Variants in ADGRL3 observed in about 807,000 individuals in gnomAD.
ADGRL3 encodes adhesion G protein-coupled receptor L3.
ADGRL3 carries 62 observed loss-of-function variants against 153.5 expected under a neutral mutation model. The observed-to-expected ratio is 0.40, with a 90% CI of 0.33 to 0.50. ADGRL3 has a LOEUF of 0.50. Among genes scored for constraint, ADGRL3 ranks in the 20% least tolerant of loss-of-function variants. The pLI, the probability that ADGRL3 is intolerant of heterozygous loss-of-function variation, is 0.47. For missense variants in ADGRL3, 1,641 were observed against 1,859.4 expected (o/e 0.88, Z 2.16); for synonymous variants, 710 against 672.5 (o/e 1.06, Z -0.86).
intron 1 of ADGRL3, among the ~76,000 whole-genome samples, chr4:61,322,498 A>G (rs2095379536): frequency 6.6e-6 from 1 of 152,228 alleles, no homozygotes; most frequent in African/African-American, 2.4e-5. Flanking sequence ...AGCCTGTAAA[A>G]TCAAAAGCAA....
intron 2 of ADGRL3, among the ~76,000 whole-genome samples, chr4:61,450,590 T>A (rs972738037): frequency 6.6e-5 from 10 of 152,176 alleles, no homozygotes; most frequent in African/African-American, 2.4e-4. Context: ...TTTTATTTGT[T>A]CTGTCTGCTT....
chr4:61,400,400 A>G (rs1033627995), intron 2 of ADGRL3, among the ~76,000 whole-genome samples: 21 of 151,836 alleles, frequency 1.4e-4, no homozygotes, highest in African/African-American at 4.8e-4. Context: ...ACGGTATATA[A>G]AAAGAAGAAA....
chr4:61,334,273 T>C (rs1300124612), intron 1 of ADGRL3, among the ~76,000 whole-genome samples: 2 of 152,154 alleles, frequency 1.3e-5, no homozygotes, highest in Non-Finnish European at 2.9e-5. Flanking sequence ...TTTTCTCCTC[T>C]ATCCAAGGGT....
At chr4:61,273,246 T>C (rs2149821759) in intron 1 of ADGRL3, among the ~76,000 whole-genome samples, 1 of 152,296 alleles carries the variant, frequency 6.6e-6, no homozygotes, top group African/African-American at 2.4e-5. Flanking sequence ...AATGTTTAAA[T>C]AAGACCACTG....
chr4:61,652,569 C>A (rs1194493000), intron 5 of ADGRL3, among the ~76,000 whole-genome samples: 1 of 152,116 alleles, frequency 6.6e-6, no homozygotes, highest in East Asian at 1.9e-4. Flanking sequence ...TTAACAAAAA[C>A]TCATGCTGAC....
chr4:61,251,887 T>A (rs902602309), intron 1 of ADGRL3, among the ~76,000 whole-genome samples: 17 of 148,856 alleles, frequency 1.1e-4, no homozygotes, highest in African/African-American at 2.0e-4. Context: ...TTAATTTTTT[T>A]ATTTTTTTTT....
Position 61,214,119 on chromosome 4 carries a change from A to C in ADGRL3, c.-240+12354A>C, listed in dbSNP as rs574397681. On this transcript the variant is annotated intron_variant, in intron 1 of 26. Transcript: ENST00000683033. Reference sequence around the variant, plus strand: ...ACTAACTCTTTGGTTATTCTTAAGAATTACTAATGCTCAGCTGCACATACA... The same window carrying C: ...ACTAACTCTTTGGTTATTCTTAAGACTTACTAATGCTCAGCTGCACATACA... Among the ~76,000 whole-genome samples the C allele has an allele frequency of 1.4e-4, 21 of 152,324 alleles. No homozygotes were observed. In the South Asian group the frequency reaches 2.5e-3, roughly 18 times the overall value.
intron 1 of ADGRL3, chr4:61,211,918 CAA>C (rs1740214269): frequency 6.6e-6 from 1 of 152,194 alleles, no homozygotes; most frequent in African/African-American, 2.4e-5. Flanking sequence ...TTTGCTGGCA[CAA>C]AGAGAGCTGG....
intron 5 of ADGRL3, among the ~76,000 whole-genome samples, chr4:61,636,109 A>G (rs557580055): frequency 1.5e-4 from 23 of 152,232 alleles, no homozygotes; most frequent in Non-Finnish European, 2.6e-4. Context: ...GAAACTACAC[A>G]CTAGACTAAC....
At chr4:61,640,642 T>A (rs972408721) in intron 5 of ADGRL3, among the ~76,000 whole-genome samples, 1 of 152,196 alleles carries the variant, frequency 6.6e-6, no homozygotes, top group Admixed American at 6.5e-5. Context: ...GTGACACATA[T>A]TAGACAATCA....
At chr4:61,429,109 A>C (rs138297170) in intron 2 of ADGRL3, among the ~76,000 whole-genome samples, 1 of 152,194 alleles carries the variant, frequency 6.6e-6, no homozygotes, top group Admixed American at 6.5e-5. Context: ...CCAGGAAAAC[A>C]CTGTCCAATG....
At chr4:61,685,037 T>C (rs2095416793) in intron 6 of ADGRL3, among the ~76,000 whole-genome samples, 1 of 151,794 alleles carries the variant, frequency 6.6e-6, no homozygotes, top group South Asian at 2.1e-4. Flanking sequence ...TCAGCCTCCC[T>C]CCCAAGTAGC....
intron 21 of ADGRL3, among the ~76,000 whole-genome samples, chr4:62,016,957 A>G (rs2099215023): frequency 6.6e-6 from 1 of 151,956 alleles, no homozygotes; most frequent in Admixed American, 6.6e-5. Flanking sequence ...GCTATTAGGT[A>G]TGATATCTAA....
intron 19 of ADGRL3, among the ~76,000 whole-genome samples, chr4:61,993,342 G>T (rs2099110427): frequency 6.9e-6 from 1 of 143,974 alleles, no homozygotes; most frequent in Non-Finnish European, 1.5e-5. Flanking sequence ...ACCCTGGCTG[G>T]GGTGTAACGG....
intron 1 of ADGRL3, among the ~76,000 whole-genome samples, chr4:61,352,022 T>C (rs2096061588): frequency 6.6e-6 from 1 of 152,172 alleles, no homozygotes; most frequent in South Asian, 2.1e-4. Flanking sequence ...TTGAAAACCT[T>C]CTAGAAAGGA....
At chr4:61,768,541 C>T (rs1462307564) in intron 8 of ADGRL3, among the ~76,000 whole-genome samples, 1 of 151,958 alleles carries the variant, frequency 6.6e-6, no homozygotes, top group African/African-American at 2.4e-5. Flanking sequence ...CATTTTACGA[C>T]AAGAATTATT....
intron 2 of ADGRL3, among the ~76,000 whole-genome samples, chr4:61,424,346 A>G (rs548388499): frequency 1.3e-5 from 2 of 151,864 alleles, no homozygotes; most frequent in South Asian, 2.1e-4. Context: ...CTTACACTCC[A>G]CCCCCTAGGC....
chr4:61,526,218 G>A (rs999150863), intron 4 of ADGRL3, among the ~76,000 whole-genome samples: 3 of 152,130 alleles, frequency 2.0e-5, no homozygotes, highest in African/African-American at 7.2e-5. Context: ...CCGAGCATGA[G>A]CTAAGTGGAT....
intron 2 of ADGRL3, among the ~76,000 whole-genome samples, chr4:61,417,613 T>C (rs530731915): frequency 1.3e-5 from 2 of 151,630 alleles, no homozygotes; most frequent in South Asian, 4.2e-4. Flanking sequence ...ATTTTTTTTG[T>C]ATAGGGTTAT....
Sources: gnomAD v4.1 joint callset for allele counts (sites outside exome capture counted in the v4.1 genomes callset) on GRCh38, gnomAD v4.1.1 for gene constraint, MANE v1.5 for transcripts, NCBI Gene and HGNC (gene_info 2026-07-23, HGNC 2026-07-21) for gene names.